DPY30: variants seen among roughly 807,000 people sequenced by gnomAD.
The protein encoded by DPY30 is protein dpy-30 homolog.
A neutral mutation model predicts 16.2 loss-of-function variants in DPY30; 6 were observed. The ratio of observed to expected loss-of-function variants is 0.37; its 90% CI spans 0.20 to 0.73. DPY30 has a LOEUF of 0.73. Among genes scored for constraint, DPY30 ranks in the 30% least tolerant of loss-of-function variants. The probability of loss-of-function intolerance (pLI) is 0.51; values close to 1 mark genes in which losing one functional copy is unlikely to be tolerated. For missense variants in DPY30, 73 were observed against 113.1 expected (o/e 0.65, Z 1.61); for synonymous variants, 39 against 38.8 (o/e 1.00, Z -0.02).
intron 3 of DPY30, 115 bp from the exon 4 acceptor site, chr2:32,029,851 A>G: frequency 8.6e-7 from 1 of 1,164,850 alleles, no homozygotes; most frequent in African/African-American, 1.5e-5. Flanking sequence ...AATGACTAGA[A>G]AGATGGTACT....
At chr2:32,038,300 C>T (rs1272087209) in intron 3 of DPY30, among the ~76,000 whole-genome samples, 3 of 150,186 alleles carry the variant, frequency 2.0e-5, no homozygotes, top group Non-Finnish European at 4.4e-5. Context: ...GGAGGTTTCA[C>T]CATGTTGGCC....
intron 5 of DPY30, among the ~76,000 whole-genome samples, chr2:32,015,546 C>A (rs1675048364): frequency 6.6e-6 from 1 of 151,882 alleles, no homozygotes; most frequent in South Asian, 2.1e-4. Flanking sequence ...AATGGAACAA[C>A]AGAGTCAAAA....
In DPY30 at chr2:32,037,872, A is replaced by C. The variant is rs150322737; in HGVS notation, c.84+1407T>G. ...CCAGCCTGTATGCTTTATTAAAAAA[A>C]ACAAGACATGTGTGATTCAGTTTGG... On this transcript the variant is annotated intron_variant, in intron 3 of 4. Transcript: ENST00000342166. Among the ~76,000 whole-genome samples the C allele has an allele frequency of 8.0e-3, 1,221 of 152,098 alleles. 18 individuals are homozygous for C. Among genetic ancestry groups the C allele is most frequent in the Non-Finnish European group, 0.012 (826 of 67,958 alleles).
chr2:32,029,489 A>G lies in DPY30; in HGVS notation c.227+105T>C, dbSNP rs1367577403. On this transcript the variant is annotated intron_variant, in intron 4 of 4. Transcript: ENST00000342166. ...TACTTTCTTAAAAACTTTAACATCC[A>G]TAAATCACACAGTAAAAAGTCGCTA... The G allele has an allele frequency of 4.4e-6, 6 of 1,361,020 alleles. No homozygotes were observed. The African/African-American group carries it at 8.7e-5, about 20-fold the overall frequency. The allele number at this position is 1,361,020 out of a possible 1,614,324, so 84.3% of individuals were successfully genotyped here.
Position 32,039,434 on chromosome 2 carries a change from T to A in DPY30, c.23A>T (p.Glu8Val), listed in dbSNP as rs146045540. 2 of 1,613,976 alleles carry A rather than the reference T, an allele frequency of 1.2e-6. No individual in the cohort carries two copies. Among genetic ancestry groups the A allele is most frequent in the African/African-American group, 2.7e-5 (2 of 74,910 alleles). The change falls in exon 2 of 5, where the codon GAG becomes GTG. Residue 8 changes from glutamate (E) to valine (V), a missense_variant. Transcript: ENST00000342166. MEPEQML[E>V]GQTQVAENPH... ...GCCTCCTGATACCTGCGTTTGTCCC[T>A]CCAGCATCTGCTCTGGCTCCATGGC...
At chr2:32,025,805 A>G (rs1363057569) in intron 4 of DPY30, among the ~76,000 whole-genome samples, 1 of 150,330 alleles carries the variant, frequency 6.7e-6, no homozygotes, top group African/African-American at 2.4e-5. Flanking sequence ...CGGGGGGAAA[A>G]AAAAAACAAC....
chr2:32,036,954 A>G (rs1382809937), intron 3 of DPY30, among the ~76,000 whole-genome samples: 1 of 152,198 alleles, frequency 6.6e-6, no homozygotes, highest in Non-Finnish European at 1.5e-5. Context: ...AAAAGTAGCA[A>G]GAGAGAAGAC....
In DPY30 at chr2:32,029,608, C is replaced by T. The variant is rs752602981; in HGVS notation, c.213G>A (p.Val71=). 3 of 1,612,264 alleles carry T rather than the reference C, an allele frequency of 1.9e-6. No homozygotes were observed. The highest frequency in any genetic ancestry group is 2.7e-5 in the African/African-American group (2 of 74,874). ...AATTATCTTACCTTTCCTTTGCAAG[C>T]ACAGCAAGTCCCTGTAATAAGATAG... ...VVPILLQGLA[V]LAKERPPNPI... Residue 71 remains valine (V), a synonymous_variant, in exon 4 of 5, where the codon GTG becomes GTA. Coordinates refer to ENST00000342166, the MANE Select transcript of DPY30 (RefSeq NM_001321209.2).
intron 3 of DPY30, among the ~76,000 whole-genome samples, chr2:32,033,589 T>G (rs1248843188): frequency 6.6e-6 from 1 of 152,160 alleles, no homozygotes; most frequent in Non-Finnish European, 1.5e-5. Context: ...GGAGAATCAC[T>G]TGAACCTGGG....
chr2:32,020,748 T>C (rs767139483), downstream of DPY30, among the ~76,000 whole-genome samples: 16 of 151,962 alleles, frequency 1.1e-4, no homozygotes, highest in Admixed American at 2.0e-4. Context: ...ACCTCACAGG[T>C]TCAAGGATTA....
chr2:32,016,633 TCC>T (rs1038002285), intron 5 of DPY30, among the ~76,000 whole-genome samples: 12 of 152,152 alleles, frequency 7.9e-5, no homozygotes, highest in South Asian at 2.1e-4. Context: ...CCCACTCTCC[TCC>T]CTTTTTTTTT....
At chr2:32,019,555 C>T (rs1405076386), downstream of DPY30, among the ~76,000 whole-genome samples, 1 of 151,438 alleles carries the variant, frequency 6.6e-6, no homozygotes, top group East Asian at 1.9e-4. Flanking sequence ...TGGCTCACGC[C>T]TGTGAGCCAC....
chr2:32,022,895 C>G (rs1675217207), downstream of DPY30, among the ~76,000 whole-genome samples: 1 of 152,146 alleles, frequency 6.6e-6, no homozygotes, highest in South Asian at 2.1e-4. Flanking sequence ...GCTTCTAATG[C>G]AGGGTTTTTC....
downstream of DPY30, chr2:32,023,277 G>A (rs1474841772): frequency 2.2e-5 from 8 of 366,908 alleles, no homozygotes; most frequent in Non-Finnish European, 4.3e-5. Flanking sequence ...TCTATTTTCT[G>A]AGCTAGTGAG....
At chr2:32,019,539 G>A (rs2148652167), downstream of DPY30, among the ~76,000 whole-genome samples, 1 of 151,824 alleles carries the variant, frequency 6.6e-6, no homozygotes, top group Middle Eastern at 3.4e-3. Flanking sequence ...TATTGGCAGG[G>A]GGTGGTGGCT....
At chr2:32,019,550 C>G (rs1438033807), downstream of DPY30, among the ~76,000 whole-genome samples, 1 of 151,062 alleles carries the variant, frequency 6.6e-6, no homozygotes, top group Non-Finnish European at 1.5e-5. Context: ...GGTGGTGGCT[C>G]ACGCCTGTGA....
At chr2:32,022,259 T>A (rs897616850), downstream of DPY30, among the ~76,000 whole-genome samples, 18 of 148,528 alleles carry the variant, frequency 1.2e-4, no homozygotes, top group African/African-American at 4.5e-4. Context: ...TGTTAAAAAA[T>A]CACTAAAAAG....
At chr2:32,039,249 C>T in intron 3 of DPY30, 30 bp downstream of exon 3, 1 of 1,614,112 alleles carries the variant, frequency 6.2e-7, no homozygotes, top group Middle Eastern at 1.6e-4. Context: ...AGAGACAACA[C>T]AGATGAGGCA....
At chr2:32,036,104 T>C (rs1176653779) in intron 3 of DPY30, among the ~76,000 whole-genome samples, 10 of 150,362 alleles carry the variant, frequency 6.7e-5, no homozygotes, top group Non-Finnish European at 1.3e-4. Flanking sequence ...CCCACCTCAG[T>C]CTCCTGAGTA....
Sources: gnomAD v4.1 joint callset for allele counts (sites outside exome capture counted in the v4.1 genomes callset) on GRCh38, gnomAD v4.1.1 for gene constraint, MANE v1.5 for transcripts, NCBI Gene and HGNC (gene_info 2026-07-23, HGNC 2026-07-21) for gene names.